SNAP91: variants seen among roughly 807,000 people sequenced by gnomAD.
SNAP91 encodes the protein synaptosome associated protein 91, also known as clathrin coat assembly protein AP180.
Under a neutral mutation model 100.3 loss-of-function variants are expected in SNAP91, and 27 were observed. The observed-to-expected ratio is 0.27, with a 90% CI of 0.20 to 0.37. The LOEUF is 0.37. SNAP91 is among the 10% of genes least tolerant of loss of function. SNAP91 has a pLI of 1.00. For synonymous variants in SNAP91, 404 were observed against 398.6 expected, an observed-to-expected ratio of 1.01 and a Z score of -0.16; for missense variants, 986 against 1,123.7, an observed-to-expected ratio of 0.88 and a Z score of 1.75.
Position 83,678,404 on chromosome 6 carries a change from A to C in SNAP91, c.131-12823T>G, listed in dbSNP as rs569680778. Among the ~76,000 whole-genome samples the C allele has an allele frequency of 2.0e-5, 3 of 152,172 alleles. No individual in the cohort carries two copies. The East Asian group carries it at 5.8e-4, about 29-fold the overall frequency. On this transcript the variant is annotated intron_variant, in intron 2 of 29. Coordinates refer to ENST00000369694, the MANE Select transcript of SNAP91 (RefSeq NM_001242792.2). Reference sequence around the variant, plus strand: ...TATCCTTATTTAACTCCTTATATTCAATACTTCCTGGTAGAGTGCTCTCGA... The same window carrying C: ...TATCCTTATTTAACTCCTTATATTCCATACTTCCTGGTAGAGTGCTCTCGA...
Position 83,665,478 on chromosome 6 carries a change from A to T in SNAP91, c.234T>A (p.Ala78=). The change falls in exon 3 of 30, where the codon GCT becomes GCA. Residue 78 remains alanine, a synonymous_variant. Transcript: ENST00000369694. ...TNSSWVVVFK[A]LVTTHHLMVH... ...CCATGAGATGATGTGTTGTCACTAA[A>T]GCCTTAAACACAACCACCCAGCTAC... is the stretch of plus-strand genomic sequence containing the variant. The T allele has an allele frequency of 6.2e-7, 1 of 1,612,938 alleles. No homozygotes were observed. The highest frequency in any genetic ancestry group is 1.1e-5 in the South Asian group (1 of 91,022).
At chr6:83,633,147 A>C (rs889145192) in intron 8 of SNAP91, among the ~76,000 whole-genome samples, 8 of 152,034 alleles carry the variant, frequency 5.3e-5, no homozygotes, top group Non-Finnish European at 1.2e-4. Flanking sequence ...AGTGATTGTT[A>C]TCTCTCTTCT....
chr6:83,602,064 TAC>T (rs1263636991), intron 14 of SNAP91, among the ~76,000 whole-genome samples: 4 of 152,154 alleles, frequency 2.6e-5, no homozygotes, highest in Non-Finnish European at 4.4e-5. Context: ...GTCTAAAATA[TAC>T]AGACACACAA....
chr6:83,695,339 CTG>C lies in SNAP91; in HGVS notation c.130+12457_130+12458del, dbSNP rs1387163468. Among the ~76,000 whole-genome samples, 4 of 142,308 alleles carry C rather than the reference CTG, an allele frequency of 2.8e-5. No homozygotes were observed. In the East Asian group the frequency reaches 6.2e-4, roughly 22 times the overall value. The allele number at this position is 142,308 out of a possible 152,430, so 93.4% of individuals were successfully genotyped here. On this transcript the variant is annotated intron_variant, in intron 2 of 29. Coordinates refer to ENST00000369694, the MANE Select transcript of SNAP91 (RefSeq NM_001242792.2). ...GAAAAAGAAAAGAAAAGAAAGAAAA[CTG>C]TGATTTATGGATTTATGATCACACC...
intron 10 of SNAP91, among the ~76,000 whole-genome samples, chr6:83,616,334 G>C (rs1310974094): frequency 6.6e-6 from 1 of 150,624 alleles, no homozygotes; most frequent in Non-Finnish European, 1.5e-5. Context: ...TGGAGAGATG[G>C]AAAAAGAAAA....
chr6:83,637,617 A>G (rs2097517663), intron 8 of SNAP91, among the ~76,000 whole-genome samples: 1 of 152,158 alleles, frequency 6.6e-6, no homozygotes, highest in Non-Finnish European at 1.5e-5. Flanking sequence ...CAGATCACTG[A>G]GCTGTTCCAG....
chr6:83,618,441 C>T (rs1352839074), intron 9 of SNAP91, among the ~76,000 whole-genome samples: 2 of 151,034 alleles, frequency 1.3e-5, no homozygotes, highest in South Asian at 4.1e-4. Context: ...TTTTAAAATA[C>T]AACTCAGATG....
At chr6:83,616,864 T>C in intron 10 of SNAP91, 105 bp downstream of exon 10, 2 of 722,814 alleles carry the variant, frequency 2.8e-6, no homozygotes, top group Non-Finnish European at 4.4e-6. Flanking sequence ...TAACAAAGCA[T>C]ACCCTAAAAC....
intron 2 of SNAP91, among the ~76,000 whole-genome samples, chr6:83,695,552 C>T (rs926822446): frequency 2.0e-5 from 3 of 152,040 alleles, no homozygotes; most frequent in Non-Finnish European, 4.4e-5. Context: ...CAATTATTTA[C>T]CTGATATAAA....
chr6:83,586,724 G>T (rs2092707488), intron 22 of SNAP91, among the ~76,000 whole-genome samples: 1 of 152,048 alleles, frequency 6.6e-6, no homozygotes, highest in Non-Finnish European at 1.5e-5. Flanking sequence ...CCTGAGATAT[G>T]GATAATATCT....
At chr6:83,628,776 G>A (rs2097084590) in intron 8 of SNAP91, among the ~76,000 whole-genome samples, 1 of 152,018 alleles carries the variant, frequency 6.6e-6, no homozygotes, top group Admixed American at 6.6e-5. Context: ...TTTATCAGAT[G>A]TATAGATTGT....
intron 26 of SNAP91, among the ~76,000 whole-genome samples, chr6:83,571,699 A>T (rs773611761): frequency 6.6e-6 from 1 of 152,214 alleles, no homozygotes; most frequent in Non-Finnish European, 1.5e-5. Flanking sequence ...GTTAATGTTA[A>T]AATGAGTTAA....
intron 16 of SNAP91, among the ~76,000 whole-genome samples, chr6:83,600,855 T>C (rs926165916): frequency 3.9e-5 from 6 of 152,212 alleles, no homozygotes; most frequent in African/African-American, 1.2e-4. Flanking sequence ...AAGAAACAAC[T>C]TAGGCCTGTG....
intron 8 of SNAP91, among the ~76,000 whole-genome samples, chr6:83,636,407 A>T (rs1156416650): frequency 6.6e-6 from 1 of 152,118 alleles, no homozygotes; most frequent in East Asian, 1.9e-4. Flanking sequence ...GTTGATTCAA[A>T]GGACTCGTCT....
At chr6:83,693,955 C>T (rs2099162608) in intron 2 of SNAP91, among the ~76,000 whole-genome samples, 1 of 152,136 alleles carries the variant, frequency 6.6e-6, no homozygotes. Flanking sequence ...CAATCTAAAG[C>T]ACTGTATATG....
chr6:83,688,411 TTTC>T (rs1435872944), intron 2 of SNAP91, among the ~76,000 whole-genome samples: 1 of 152,180 alleles, frequency 6.6e-6, no homozygotes, highest in Non-Finnish European at 1.5e-5. Flanking sequence ...CCAACCTTCC[TTTC>T]TTTTTACTGT....
chr6:83,570,729 T>G (rs1315325839), intron 26 of SNAP91, among the ~76,000 whole-genome samples: 1 of 152,132 alleles, frequency 6.6e-6, no homozygotes, highest in Non-Finnish European at 1.5e-5. Flanking sequence ...TTACATGTGG[T>G]GTTGAGCCAC....
chr6:83,643,750 A>G (rs1369373900), intron 7 of SNAP91, among the ~76,000 whole-genome samples: 2 of 152,200 alleles, frequency 1.3e-5, no homozygotes, highest in African/African-American at 4.8e-5. Flanking sequence ...CCTTCTGTTG[A>G]CAGTCTTTGG....
intron 2 of SNAP91, among the ~76,000 whole-genome samples, chr6:83,707,475 G>A (rs1401972045): frequency 1.3e-5 from 2 of 151,622 alleles, no homozygotes; most frequent in Non-Finnish European, 2.9e-5. Context: ...AAGAAAAAAA[G>A]GTGAAAAACA....
Sources: allele counts gnomAD v4.1 joint callset (sites outside exome capture counted in the v4.1 genomes callset), GRCh38; gene constraint gnomAD v4.1.1; transcripts MANE v1.5; gene names NCBI Gene and HGNC (gene_info 2026-07-23, HGNC 2026-07-21).